BMF: variants seen among roughly 807,000 people sequenced by gnomAD.
BMF encodes bcl-2-modifying factor.
In BMF, 10 loss-of-function variants were observed where a neutral mutation model predicts 22.0. The observed-to-expected ratio is 0.45, with a 90% CI of 0.28 to 0.77. The LOEUF is 0.77. BMF is among the 30% of genes least tolerant of loss of function. BMF has a pLI of 0.13. For synonymous variants in BMF, 87 were observed against 88.1 expected (o/e 0.99, Z 0.07); for missense variants, 206 against 226.8 (o/e 0.91, Z 0.59).
intron 4 of BMF, among the ~76,000 whole-genome samples, chr15:40,094,720 G>A (rs963627889): frequency 7.2e-5 from 11 of 152,172 alleles, no homozygotes; most frequent in African/African-American, 1.7e-4. Flanking sequence ...TACTGAACAA[G>A]CTCCCTTGGT....
intron 2 of BMF, among the ~76,000 whole-genome samples, chr15:40,107,501 G>A (rs1038486835): frequency 1.3e-5 from 2 of 151,278 alleles, no homozygotes; most frequent in Admixed American, 6.6e-5. Flanking sequence ...ATGGCAAGCA[G>A]CCACGTGGTG....
At chr15:40,104,133 CA>C (rs2036536075) in intron 4 of BMF, 46 bp downstream of exon 4, 1 of 1,607,604 alleles carries the variant, frequency 6.2e-7, no homozygotes, top group Non-Finnish European at 8.5e-7. Flanking sequence ...CCCTGGCCCC[CA>C]AGCCCCAGCA....
chr15:40,093,755 C>T (rs1016777810), intron 4 of BMF, among the ~76,000 whole-genome samples: 6 of 152,076 alleles, frequency 3.9e-5, no homozygotes, highest in East Asian at 1.9e-4. Context: ...ATAATAGTAA[C>T]GTGGGGTTAG....
rs2036210582 is a variant in BMF at position 40,090,455 on chromosome 15, G to A, written c.*1332C>T. Reference sequence around the variant, plus strand: ...GTTATAATTTAGTTTCTAGCGTCTGGTTAACAGATTCCCTGTGCCTGCTAT... The same window carrying A: ...GTTATAATTTAGTTTCTAGCGTCTGATTAACAGATTCCCTGTGCCTGCTAT... On this transcript the variant is annotated 3_prime_UTR_variant, in exon 5 of 5. Transcript: ENST00000354670. 1 of 152,636 alleles carries A rather than the reference G, an allele frequency of 6.6e-6. No homozygotes were observed. The highest frequency in any genetic ancestry group is 1.5e-5 in the Non-Finnish European group (1 of 68,048). 9.5% of individuals were successfully genotyped at this position (152,636 alleles called of 1,614,324 possible). A position where few individuals can be genotyped will look rare whatever the true frequency, so the allele number is the denominator to read the frequency against.
At position 40,091,758 on chromosome 15, in the gene BMF, G is replaced by A. The variant is rs770304991; in HGVS notation, c.*29C>T. ...CTTCCTGTTCCAGACGGTGTTCCTG[G>A]TGCCCCATGTGAAGAGGGCAGCCCA... On this transcript the variant is annotated 3_prime_UTR_variant, in exon 5 of 5. Transcript: ENST00000354670. The A allele has an allele frequency of 2.0e-6, 3 of 1,507,104 alleles. No individual in the cohort carries two copies. The highest frequency in any genetic ancestry group is 1.8e-5 in the Admixed American group (1 of 56,322). The allele number at this position is 1,507,104 out of a possible 1,614,324, so 93.4% of individuals were successfully genotyped here.
At chr15:40,094,584 G>A (rs1567031760) in intron 4 of BMF, among the ~76,000 whole-genome samples, 2 of 152,154 alleles carry the variant, frequency 1.3e-5, no homozygotes, top group South Asian at 4.1e-4. Flanking sequence ...TATTGTACTA[G>A]ATCAATGGTT....
At chr15:40,104,978 C>T (rs2036554587) in intron 3 of BMF, among the ~76,000 whole-genome samples, 1 of 152,172 alleles carries the variant, frequency 6.6e-6, no homozygotes, top group South Asian at 2.1e-4. Flanking sequence ...GGCGCCAGTC[C>T]GCCGGGCTCC....
At chr15:40,101,189 C>G (rs1327639019) in intron 4 of BMF, among the ~76,000 whole-genome samples, 1 of 152,094 alleles carries the variant, frequency 6.6e-6, no homozygotes, top group African/African-American at 2.4e-5. Flanking sequence ...TCAGGGAGTC[C>G]CCTGCCAGGT....
intron 3 of BMF, among the ~76,000 whole-genome samples, chr15:40,105,061 G>A (rs2036557683): frequency 1.3e-5 from 2 of 152,300 alleles, no homozygotes; most frequent in South Asian, 4.1e-4. Context: ...TGCTTTGCCA[G>A]AACTGCCCTA....
At chr15:40,097,797 AC>A (rs2036396556) in intron 4 of BMF, among the ~76,000 whole-genome samples, 1 of 152,178 alleles carries the variant, frequency 6.6e-6, no homozygotes, top group African/African-American at 2.4e-5. Flanking sequence ...TTTGCAGAGC[AC>A]GTCTCTCAAT....
chr15:40,108,216 A>AG (rs2036626058), intron 2 of BMF, 43 bp downstream of exon 2: 2 of 120,250 alleles, frequency 1.7e-5, no homozygotes, highest in African/African-American at 3.5e-5. Flanking sequence ...GACAGTGACT[A>AG]GGAACACACA....
In BMF at chr15:40,091,667, A is replaced by G; in HGVS notation, c.*120T>C. ...TACACTCAGAGAGAAATTAAAAAAA[A>G]TTAAAACACAAAATAACAACAAAAA... On this transcript the variant is annotated 3_prime_UTR_variant, in exon 5 of 5. Transcript: ENST00000354670. The G allele has an allele frequency of 1.3e-6, 1 of 775,222 alleles. No individual in the cohort carries two copies. Among genetic ancestry groups the G allele is most frequent in the Non-Finnish European group, 2.1e-6 (1 of 479,878 alleles). 48.0% of individuals were successfully genotyped at this position (775,222 alleles called of 1,614,324 possible).
intron 4 of BMF, among the ~76,000 whole-genome samples, chr15:40,097,180 TGAGCTACCAAGCAC>T (rs2036379940): frequency 6.4e-4 from 1 of 1,564 alleles, no homozygotes; most frequent in South Asian, 0.017. Flanking sequence ...AGCACCCAAC[TGAGCTACCAAGCAC>T]CCAACTGAGC....
intron 2 of BMF, 40 bp downstream of exon 2, chr15:40,108,219 A>AACACACAC (rs140876953): frequency 0.16 from 22,621 of 144,984 alleles, 2,121 homozygotes; most frequent in Non-Finnish European, 0.22. Context: ...AGTGACTAGG[A>AACACACAC]ACACACACAC....
At chr15:40,094,555 C>T (rs887438733) in intron 4 of BMF, among the ~76,000 whole-genome samples, 1 of 152,144 alleles carries the variant, frequency 6.6e-6, no homozygotes, top group Non-Finnish European at 1.5e-5. Context: ...TCTCTCTTGG[C>T]TTATAAGGAA....
At chr15:40,092,447 A>G (rs921444602) in intron 4 of BMF, among the ~76,000 whole-genome samples, 4 of 144,484 alleles carry the variant, frequency 2.8e-5, no homozygotes, top group Non-Finnish European at 4.5e-5. Context: ...ACGCACACAC[A>G]CAGACTCACA....
intron 4 of BMF, among the ~76,000 whole-genome samples, chr15:40,092,705 G>A (rs1411278864): frequency 4.6e-5 from 7 of 152,172 alleles, no homozygotes; most frequent in Admixed American, 4.6e-4. Context: ...GGGAAGCTAG[G>A]GGCAAAGTTC....
chr15:40,100,441 G>A (rs1595480893), intron 4 of BMF, among the ~76,000 whole-genome samples: 1 of 152,232 alleles, frequency 6.6e-6, no homozygotes, highest in African/African-American at 2.4e-5. Flanking sequence ...GCTCACAGAG[G>A]AGCAAACAGG....
chr15:40,093,151 T>C (rs1234121316), intron 4 of BMF, among the ~76,000 whole-genome samples: 1 of 152,212 alleles, frequency 6.6e-6, no homozygotes, highest in Admixed American at 6.5e-5. Flanking sequence ...AGCCCTGGCC[T>C]CCCTGACCTT....
Sources: gnomAD v4.1 joint callset for allele counts (sites outside exome capture counted in the v4.1 genomes callset) on GRCh38, gnomAD v4.1.1 for gene constraint, MANE v1.5 for transcripts, NCBI Gene and HGNC (gene_info 2026-07-23, HGNC 2026-07-21) for gene names.